Variants in CTBS observed in about 807,000 individuals in gnomAD.
The protein encoded by CTBS is chitobiase, also known as di-N-acetylchitobiase.
Under a neutral mutation model 44.3 loss-of-function variants are expected in CTBS, and 35 were observed. That is an observed-to-expected ratio of 0.79 (90% CI 0.60 to 1.05). The LOEUF is 1.05. Ranked by LOEUF, CTBS falls within the 50% of genes least tolerant of loss-of-function variation. The pLI, the probability that CTBS is intolerant of heterozygous loss-of-function variation, is 0.00. For missense variants in CTBS, 458 were observed against 475.3 expected (o/e 0.96, Z 0.34); for synonymous variants, 143 against 168.0 (o/e 0.85, Z 1.15).
At chr1:84,572,113 A>C (rs1386213646) in intron 1 of CTBS, among the ~76,000 whole-genome samples, 2 of 152,206 alleles carry the variant, frequency 1.3e-5, no homozygotes, top group East Asian at 3.8e-4. Context: ...GTTTTAATTC[A>C]GGGGATATGC....
intron 6 of CTBS, among the ~76,000 whole-genome samples, chr1:84,559,670 C>A (rs949017396): frequency 6.6e-6 from 1 of 152,006 alleles, no homozygotes. Flanking sequence ...AATAACCTTA[C>A]AATGGGAATT....
rs998178715 is a variant in CTBS at position 84,553,602 on chromosome 1, A to T, written c.*1397T>A. 2.6e-5 allele frequency: 4 copies of T among 152,242 alleles called. No homozygotes were observed. Among genetic ancestry groups the T allele is most frequent in the African/African-American group, 7.2e-5 (3 of 41,446 alleles). The allele number at this position is 152,242 out of a possible 1,614,324, so 9.4% of individuals were successfully genotyped here. ...AGTTGCATTCTGAGCTATGATAGAG[A>T]TAAGCATCTAAGAATTTAAATTTTT... is the stretch of plus-strand genomic sequence containing the variant. On this transcript the variant is annotated 3_prime_UTR_variant, in exon 7 of 7. Transcript: ENST00000370630.
At chr1:84,556,956 A>AG (rs919767174) in intron 6 of CTBS, among the ~76,000 whole-genome samples, 2 of 152,210 alleles carry the variant, frequency 1.3e-5, no homozygotes, top group African/African-American at 4.8e-5. Flanking sequence ...TTGAAGATTC[A>AG]GGGGCAAACC....
intron 3 of CTBS, among the ~76,000 whole-genome samples, chr1:84,568,900 A>C (rs958893885): frequency 1.3e-5 from 2 of 152,156 alleles, no homozygotes; most frequent in African/African-American, 4.8e-5. Context: ...AGCCAAGCAG[A>C]TGTCAGCATT....
chr1:84,559,954 G>A (rs1356489226), intron 6 of CTBS, among the ~76,000 whole-genome samples: 11 of 151,360 alleles, frequency 7.3e-5, no homozygotes, highest in African/African-American at 1.7e-4. Context: ...GCATAGTGGC[G>A]GGCACCTGTA....
At chr1:84,568,245 T>C (rs1486428267) in intron 3 of CTBS, among the ~76,000 whole-genome samples, 1 of 152,222 alleles carries the variant, frequency 6.6e-6, no homozygotes, top group African/African-American at 2.4e-5. Context: ...GTCAAATAGG[T>C]TGTTTCCCAT....
At chr1:84,563,966 G>C in intron 4 of CTBS, 134 bp from the exon 5 acceptor site, 1 of 981,566 alleles carries the variant, frequency 1.0e-6, no homozygotes, top group Non-Finnish European at 1.4e-6. Flanking sequence ...TGTTTAATAT[G>C]TTATAAAACA....
Position 84,551,928 on chromosome 1 carries a change from G to C in CTBS, c.*3071C>G, listed in dbSNP as rs1331721197. On this transcript the variant is annotated 3_prime_UTR_variant, in exon 7 of 7. Coordinates refer to ENST00000370630, the MANE Select transcript of CTBS (RefSeq NM_004388.3). The stretch of plus-strand genomic sequence containing the variant: ...CTTCTGGAAAGCATGCACATTACTT[G>C]TAATCTTTGTATATTTTAACATTAC... 1.3e-5 allele frequency: 2 copies of C among 151,972 alleles called. No homozygotes were observed. The highest frequency in any genetic ancestry group is 4.8e-5 in the African/African-American group (2 of 41,366). 9.4% of individuals were successfully genotyped at this position (151,972 alleles called of 1,614,324 possible).
In CTBS at chr1:84,551,360, GATAAAA is replaced by G. The variant is rs2102009164; in HGVS notation, c.*3633_*3638del. The stretch of plus-strand genomic sequence containing the variant: ...AAAATCAGTACTGTCCTCGGTTTCA[GATAAAA>G]ATAAAAATAAATAAAATTTAAAAAT... On this transcript the variant is annotated 3_prime_UTR_variant, in exon 7 of 7. Coordinates refer to ENST00000370630, the MANE Select transcript of CTBS (RefSeq NM_004388.3). 2 of 806,678 alleles carry G rather than the reference GATAAAA, an allele frequency of 2.5e-6. No individual in the cohort carries two copies. Among genetic ancestry groups the G allele is most frequent in the Non-Finnish European group, 3.0e-6 (2 of 667,614 alleles). 50.0% of individuals were successfully genotyped at this position (806,678 alleles called of 1,614,324 possible).
chr1:84,569,649 T>C (rs910519938), intron 3 of CTBS, among the ~76,000 whole-genome samples: 1 of 152,186 alleles, frequency 6.6e-6, no homozygotes, highest in African/African-American at 2.4e-5. Flanking sequence ...GGCGCCCCCC[T>C]TGATTTTTGT....
At chr1:84,572,114 G>A (rs968841355) in intron 1 of CTBS, among the ~76,000 whole-genome samples, 1 of 152,168 alleles carries the variant, frequency 6.6e-6, no homozygotes, top group African/African-American at 2.4e-5. Context: ...TTTTAATTCA[G>A]GGGATATGCA....
At chr1:84,555,453 G>T (rs1457144526) in intron 6 of CTBS, among the ~76,000 whole-genome samples, 2 of 152,104 alleles carry the variant, frequency 1.3e-5, no homozygotes, top group African/African-American at 4.8e-5. Context: ...TAGACTTTAC[G>T]ATGGATTTAT....
At chr1:84,573,808 GAAAA>G (rs1647382646) in intron 1 of CTBS, 2 of 869,634 alleles carry the variant, frequency 2.3e-6, no homozygotes, top group East Asian at 2.3e-4. Flanking sequence ...AGCAGGTATA[GAAAA>G]CTAAAGGTAA....
intron 1 of CTBS, among the ~76,000 whole-genome samples, chr1:84,572,517 CAT>C (rs138468003): frequency 0.013 from 2,009 of 150,238 alleles, 33 homozygotes; most frequent in African/African-American, 0.047. Context: ...GTTTGAAAAA[CAT>C]AGAAAACGCC....
chr1:84,561,035 A>C (rs1382899959), intron 6 of CTBS, among the ~76,000 whole-genome samples: 1 of 152,268 alleles, frequency 6.6e-6, no homozygotes. Context: ...TTCAACTTTT[A>C]ACTCTTATTA....
intron 6 of CTBS, 113 bp from the exon 7 acceptor site, chr1:84,555,312 A>G: frequency 1.4e-6 from 1 of 714,286 alleles, no homozygotes; most frequent in African/African-American, 1.8e-5. Context: ...AAAGTTTCCT[A>G]AATCCAATTA....
In CTBS at chr1:84,550,168, G is replaced by A. The variant is rs1684228998; in HGVS notation, c.*4831C>T. 4 of 229,012 alleles carry A rather than the reference G, an allele frequency of 1.7e-5. No individual in the cohort carries two copies. Among genetic ancestry groups the A allele is most frequent in the South Asian group, 1.7e-4 (1 of 5,724 alleles). The allele number at this position is 229,012 out of a possible 1,614,324, so 14.2% of individuals were successfully genotyped here. ...ATTTTAAAGTCTTGCTAATAACTAA[G>A]ATATTATTCCTTTCATAGTAATAGT... On this transcript the variant is annotated 3_prime_UTR_variant, in exon 7 of 7. Coordinates refer to ENST00000370630, the MANE Select transcript of CTBS (RefSeq NM_004388.3).
At chr1:84,557,547 A>C (rs1019576852) in intron 6 of CTBS, among the ~76,000 whole-genome samples, 5 of 132,800 alleles carry the variant, frequency 3.8e-5, no homozygotes, top group Non-Finnish European at 7.6e-5. Context: ...AAAAAAAAAA[A>C]AAAAAAGAAA....
chr1:84,565,820 T>C, intron 4 of CTBS, 21 bp downstream of exon 4: 2 of 1,309,832 alleles, frequency 1.5e-6, no homozygotes, highest in Non-Finnish European at 2.0e-6. Context: ...TATTAATAAA[T>C]GACCATGTTT....
Sources: allele counts gnomAD v4.1 joint callset (sites outside exome capture counted in the v4.1 genomes callset), GRCh38; gene constraint gnomAD v4.1.1; transcripts MANE v1.5; gene names NCBI Gene and HGNC (gene_info 2026-07-23, HGNC 2026-07-21).